The following TNIK variants were observed in gnomAD, a reference collection of about 807,000 sequenced individuals.
TNIK encodes TRAF2 and NCK-interacting protein kinase.
A neutral mutation model predicts 191.3 loss-of-function variants in TNIK; 49 were observed. The ratio of observed to expected loss-of-function variants is 0.26; its 90% CI spans 0.20 to 0.32. The LOEUF is 0.32. TNIK is among the 10% of genes least tolerant of loss of function. TNIK has a pLI of 1.00. For synonymous variants in TNIK, 594 were observed against 600.9 expected (o/e 0.99, Z 0.17); for missense variants, 1,155 against 1,702.3 (o/e 0.68, Z 5.66).
intron 1 of TNIK, among the ~76,000 whole-genome samples, chr3:171,408,809 C>T (rs1560035356): frequency 2.0e-5 from 3 of 152,124 alleles, no homozygotes; most frequent in Non-Finnish European, 2.9e-5. Flanking sequence ...AAATATCAGG[C>T]GCCTCAACTG....
chr3:171,098,751 A>T (rs2108439372), intron 22 of TNIK, among the ~76,000 whole-genome samples: 1 of 152,324 alleles, frequency 6.6e-6, no homozygotes, highest in Admixed American at 6.5e-5. Flanking sequence ...ATAAGAATGT[A>T]TATAAAAGGC....
At chr3:171,307,083 G>C (rs1753535572) in intron 2 of TNIK, among the ~76,000 whole-genome samples, 1 of 152,162 alleles carries the variant, frequency 6.6e-6, no homozygotes, top group African/African-American at 2.4e-5. Flanking sequence ...AAGGTAGCTA[G>C]TCTAAAAACA....
At chr3:171,186,515 C>T (rs1281639551) in intron 7 of TNIK, among the ~76,000 whole-genome samples, 2 of 152,128 alleles carry the variant, frequency 1.3e-5, no homozygotes, top group Non-Finnish European at 2.9e-5. Context: ...CTTTTGTCAT[C>T]CTCCTCTTTT....
chr3:171,353,959 A>T lies in TNIK; in HGVS notation c.123+15661T>A, dbSNP rs1476942857. On this transcript the variant is annotated intron_variant, in intron 2 of 32. Coordinates refer to ENST00000436636, the MANE Select transcript of TNIK (RefSeq NM_015028.4). ...TTTTGTAGATATCCTCTACCCTCCA[A>T]ATGCCCCCAAAAGGTGTATGTTAGT... is the stretch of plus-strand genomic sequence containing the variant. Among the ~76,000 whole-genome samples, 3 of 152,102 alleles carry T rather than the reference A, an allele frequency of 2.0e-5. No individual in the cohort carries two copies. In the East Asian group the frequency reaches 5.8e-4, roughly 29 times the overall value.
At chr3:171,153,619 A>C (rs1190189568) in intron 12 of TNIK, among the ~76,000 whole-genome samples, 1 of 152,144 alleles carries the variant, frequency 6.6e-6, no homozygotes, top group African/African-American at 2.4e-5. Flanking sequence ...TCCAGCACCA[A>C]CTGCAGCAGC....
At chr3:171,327,553 G>A (rs1755911505) in intron 2 of TNIK, among the ~76,000 whole-genome samples, 1 of 152,064 alleles carries the variant, frequency 6.6e-6, no homozygotes, top group Admixed American at 6.5e-5. Context: ...GAGGCCCTAG[G>A]GGACACAGTG....
In TNIK at chr3:171,128,777, G is replaced by C. The variant is rs1728828561; in HGVS notation, c.1710C>G (p.Ser570=). Residue 570 remains serine (S), a synonymous_variant, in exon 16 of 33, where the codon TCC becomes TCG. Transcript: ENST00000436636. The part of the protein sequence containing the change: ...SDPNLPPRSE[S]FSISGVQPAR... The stretch of plus-strand genomic sequence containing the variant: ...CAGGCTGAACTCCACTAATGCTGAA[G>C]GACTCCGACCTTGGGGGCAGGTTGG... 6.2e-7 allele frequency: 1 copy of C among 1,612,788 alleles called. No individual in the cohort carries two copies. Among genetic ancestry groups the C allele is most frequent in the Non-Finnish European group, 8.5e-7 (1 of 1,179,668 alleles).
At chr3:171,102,180 C>T (rs975971679) in intron 21 of TNIK, 1 of 152,160 alleles carries the variant, frequency 6.6e-6, no homozygotes, top group African/African-American at 2.4e-5. Context: ...GGTACCACAT[C>T]AAATCATGGC....
chr3:171,331,305 T>C (rs1756402563), intron 2 of TNIK, among the ~76,000 whole-genome samples: 1 of 152,230 alleles, frequency 6.6e-6, no homozygotes, highest in African/African-American at 2.4e-5. Context: ...ATTAGGAATA[T>C]GGCAAAGAGA....
chr3:171,154,253 T>C (rs1182467127), intron 12 of TNIK, among the ~76,000 whole-genome samples: 3 of 85,400 alleles, frequency 3.5e-5, no homozygotes, highest in Admixed American at 2.5e-4. Flanking sequence ...ACAGGTGATA[T>C]CTCTTCAAAA....
chr3:171,384,490 G>C (rs758882669), intron 1 of TNIK, among the ~76,000 whole-genome samples: 9 of 152,196 alleles, frequency 5.9e-5, no homozygotes, highest in Admixed American at 1.3e-4. Flanking sequence ...AGATTCCCAA[G>C]TTATCCCAAT....
At chr3:171,328,635 G>T (rs549943440) in intron 2 of TNIK, among the ~76,000 whole-genome samples, 64 of 152,286 alleles carry the variant, frequency 4.2e-4, no homozygotes, top group African/African-American at 1.5e-3. Context: ...GCAATAATTG[G>T]CATAAAGCCG....
chr3:171,397,609 A>G (rs897976572), intron 1 of TNIK, among the ~76,000 whole-genome samples: 5 of 152,212 alleles, frequency 3.3e-5, no homozygotes, highest in Admixed American at 3.3e-4. Flanking sequence ...ACCTCTTTGT[A>G]TTGACAATCG....
At chr3:171,428,010 G>A (rs1026231519) in intron 1 of TNIK, among the ~76,000 whole-genome samples, 1 of 152,178 alleles carries the variant, frequency 6.6e-6, no homozygotes, top group Non-Finnish European at 1.5e-5. Flanking sequence ...GGCTGGGGGA[G>A]CAGGTCAGGT....
At chr3:171,423,515 G>A (rs929513095) in intron 1 of TNIK, among the ~76,000 whole-genome samples, 3 of 152,156 alleles carry the variant, frequency 2.0e-5, no homozygotes, top group African/African-American at 4.8e-5. Flanking sequence ...AAAAGAGCCC[G>A]CATTGCCAAG....
intron 4 of TNIK, among the ~76,000 whole-genome samples, chr3:171,210,542 G>C (rs1468116034): frequency 6.6e-6 from 1 of 152,132 alleles, no homozygotes; most frequent in African/African-American, 2.4e-5. Flanking sequence ...CCTTTGCAGA[G>C]TCCCTACTTG....
intron 14 of TNIK, 132 bp downstream of exon 14, chr3:171,139,338 C>G: frequency 1.3e-6 from 1 of 763,588 alleles, no homozygotes; most frequent in South Asian, 1.8e-5. Context: ...AGAAGATCCC[C>G]TCTTCTGGAC....
intron 1 of TNIK, among the ~76,000 whole-genome samples, chr3:171,387,492 A>C (rs1718885543): frequency 6.6e-6 from 1 of 152,140 alleles, no homozygotes; most frequent in African/African-American, 2.4e-5. Flanking sequence ...TTTGTTTCAA[A>C]TCTTTCTAGG....
At chr3:171,247,848 G>A (rs1376821673) in intron 2 of TNIK, among the ~76,000 whole-genome samples, 1 of 152,170 alleles carries the variant, frequency 6.6e-6, no homozygotes, top group Non-Finnish European at 1.5e-5. Flanking sequence ...ACCTTACACA[G>A]CAATGCAGGG....
Sources: gnomAD v4.1 joint callset for allele counts (sites outside exome capture counted in the v4.1 genomes callset) on GRCh38, gnomAD v4.1.1 for gene constraint, MANE v1.5 for transcripts, NCBI Gene and HGNC (gene_info 2026-07-23, HGNC 2026-07-21) for gene names.